RBMS3: variants seen among roughly 807,000 people sequenced by gnomAD.
RBMS3 encodes the protein RNA binding motif single stranded interacting protein 3.
A neutral mutation model predicts 66.8 loss-of-function variants in RBMS3; 27 were observed. That is an observed-to-expected ratio of 0.40 (90% CI 0.30 to 0.56). The LOEUF (loss-of-function observed/expected upper bound fraction) is 0.56. Ranked by LOEUF, RBMS3 falls within the 20% of genes least tolerant of loss-of-function variation. The pLI, the probability that RBMS3 is intolerant of heterozygous loss-of-function variation, is 0.40. For synonymous variants in RBMS3, 188 were observed against 183.0 expected (o/e 1.03, Z -0.22); for missense variants, 513 against 549.5 (o/e 0.93, Z 0.66).
chr3:29,382,024 A>G (rs146150027), intron 1 of RBMS3, among the ~76,000 whole-genome samples: 253 of 152,274 alleles, frequency 1.7e-3, no homozygotes, highest in African/African-American at 5.8e-3. Flanking sequence ...ATGAAAAATC[A>G]GTATCATAGT....
At chr3:29,877,859 A>AT (rs1347781661) in intron 7 of RBMS3, among the ~76,000 whole-genome samples, 2 of 151,958 alleles carry the variant, frequency 1.3e-5, no homozygotes, top group Admixed American at 6.6e-5. Flanking sequence ...CTCTAGGCAT[A>AT]TTTTTTCCGA....
chr3:29,349,540 A>G (rs1206259657), intron 1 of RBMS3, among the ~76,000 whole-genome samples: 1 of 152,226 alleles, frequency 6.6e-6, no homozygotes, highest in Non-Finnish European at 1.5e-5. Context: ...TCTTAACTTG[A>G]GAAGCAAGCA....
chr3:29,795,393 T>C (rs2057150023), intron 6 of RBMS3, among the ~76,000 whole-genome samples: 1 of 152,228 alleles, frequency 6.6e-6, no homozygotes, highest in African/African-American at 2.4e-5. Context: ...TTTTTCAGGT[T>C]AACTACATAC....
intron 6 of RBMS3, among the ~76,000 whole-genome samples, chr3:29,805,636 T>G (rs1443698985): frequency 6.6e-6 from 1 of 152,030 alleles, no homozygotes; most frequent in Non-Finnish European, 1.5e-5. Flanking sequence ...CAGAAAAGTT[T>G]AAACAGTATA....
intron 1 of RBMS3, among the ~76,000 whole-genome samples, chr3:29,357,383 C>A (rs1484065226): frequency 2.0e-5 from 3 of 152,194 alleles, no homozygotes; most frequent in East Asian, 1.9e-4. Flanking sequence ...TGAACTCATC[C>A]TTTTTTATAG....
intron 3 of RBMS3, among the ~76,000 whole-genome samples, chr3:29,551,195 G>A (rs1478654141): frequency 6.6e-6 from 1 of 152,104 alleles, no homozygotes; most frequent in African/African-American, 2.4e-5. Flanking sequence ...GAAATGAAGT[G>A]AACATTTTTC....
intron 6 of RBMS3, among the ~76,000 whole-genome samples, chr3:29,858,065 A>T (rs562022462): frequency 6.6e-6 from 1 of 152,322 alleles, no homozygotes; most frequent in African/African-American, 2.4e-5. Context: ...AAAAAGAACT[A>T]AATAAACAAA....
chr3:29,687,405 G>T (rs78229022), intron 4 of RBMS3, among the ~76,000 whole-genome samples: 3,121 of 152,272 alleles, frequency 0.02, 110 homozygotes, highest in African/African-American at 0.07. Flanking sequence ...ATGTTATTTA[G>T]TTAGTTTTGA....
intron 2 of RBMS3, among the ~76,000 whole-genome samples, chr3:29,435,783 G>A (rs966154740): frequency 6.6e-6 from 1 of 151,998 alleles, no homozygotes; most frequent in African/African-American, 2.4e-5. Context: ...CCCCATCCTG[G>A]CTAACACGGT....
At chr3:29,957,688 TTTC>T (rs1227344468) in intron 12 of RBMS3, among the ~76,000 whole-genome samples, 2 of 152,102 alleles carry the variant, frequency 1.3e-5, no homozygotes, top group Admixed American at 6.6e-5. Context: ...AAGGTTTCAT[TTTC>T]TTATTTTCCC....
At chr3:29,689,983 T>TTTCTTTCATA (rs2051908474) in intron 4 of RBMS3, among the ~76,000 whole-genome samples, 1 of 148,276 alleles carries the variant, frequency 6.7e-6, no homozygotes, top group Non-Finnish European at 1.5e-5. Context: ...GCTATTACTG[T>TTTCTTTCATA]TTCTTTCATA....
At chr3:30,002,069 A>G (rs1021075075) in intron 14 of RBMS3, among the ~76,000 whole-genome samples, 2 of 152,002 alleles carry the variant, frequency 1.3e-5, no homozygotes, top group East Asian at 1.9e-4. Context: ...ATTTGCCATC[A>G]TTTGTTTTCA....
intron 1 of RBMS3, among the ~76,000 whole-genome samples, chr3:29,426,754 G>A (rs2040975350): frequency 6.6e-6 from 1 of 152,142 alleles, no homozygotes; most frequent in Non-Finnish European, 1.5e-5. Flanking sequence ...CCCCTTCAAG[G>A]TGAATTACTC....
rs1421895368 is a variant in RBMS3 at position 30,004,674 on chromosome 3, A to G, written c.*812A>G. On this transcript the variant is annotated 3_prime_UTR_variant, in exon 15 of 15. Coordinates refer to ENST00000383767, the MANE Select transcript of RBMS3 (RefSeq NM_001003793.3). Reference sequence around the variant, plus strand: ...TTGACATGAATCATTCTAAAAGGCTAAAACATTTTACAGTAAAGTTATTAA... The same window carrying G: ...TTGACATGAATCATTCTAAAAGGCTGAAACATTTTACAGTAAAGTTATTAA... The G allele has an allele frequency of 6.6e-6, 1 of 152,286 alleles. No individual in the cohort carries two copies. Among genetic ancestry groups the G allele is most frequent in the Non-Finnish European group, 1.5e-5 (1 of 67,828 alleles). 9.4% of individuals were successfully genotyped at this position (152,286 alleles called of 1,614,324 possible).
chr3:29,701,838 C>T (rs983873271), intron 4 of RBMS3, among the ~76,000 whole-genome samples: 5 of 151,908 alleles, frequency 3.3e-5, no homozygotes, highest in East Asian at 1.9e-4. Context: ...GAAGCCTGCG[C>T]GCAGCCGGAG....
At chr3:29,922,136 CT>C (rs2060798467) in intron 10 of RBMS3, among the ~76,000 whole-genome samples, 5 of 152,328 alleles carry the variant, frequency 3.3e-5, no homozygotes, top group Admixed American at 6.5e-5. Flanking sequence ...GAAACTTACT[CT>C]ATTATAGCTT....
At chr3:29,313,970 T>C (rs1016888691) in intron 1 of RBMS3, among the ~76,000 whole-genome samples, 2 of 151,692 alleles carry the variant, frequency 1.3e-5, no homozygotes, top group African/African-American at 4.8e-5. Flanking sequence ...CACAGAAATC[T>C]CCTTGCTGTT....
chr3:29,968,412 C>T (rs1485657760), intron 12 of RBMS3, among the ~76,000 whole-genome samples: 1 of 152,270 alleles, frequency 6.6e-6, no homozygotes, highest in East Asian at 1.9e-4. Context: ...AATTCCTTCT[C>T]CCAGTGGAGT....
intron 13 of RBMS3, 39 bp from the exon 14 acceptor site, chr3:29,991,043 A>G: frequency 3.7e-6 from 6 of 1,603,998 alleles, no homozygotes; most frequent in Non-Finnish European, 5.1e-6. Context: ...CCCTTCACTG[A>G]AGCAAGTAAG....
Sources: gnomAD v4.1 joint callset for allele counts (sites outside exome capture counted in the v4.1 genomes callset) on GRCh38, gnomAD v4.1.1 for gene constraint, MANE v1.5 for transcripts, NCBI Gene and HGNC (gene_info 2026-07-23, HGNC 2026-07-21) for gene names.